The following SORCS2 variants were observed in gnomAD, a reference collection of about 807,000 sequenced individuals.
SORCS2 encodes sortilin related VPS10 domain containing receptor 2, also known as VPS10 domain-containing receptor SorCS2.
Under a neutral mutation model 141.6 loss-of-function variants are expected in SORCS2, and 100 were observed. That is an observed-to-expected ratio of 0.71 (90% CI 0.60 to 0.83). SORCS2 has a LOEUF of 0.83. Among genes scored for constraint, SORCS2 ranks in the 40% least tolerant of loss-of-function variants. The pLI is 0.00. For missense variants in SORCS2, 1,646 were observed against 1,560.2 expected (o/e 1.05, Z -0.93); for synonymous variants, 789 against 676.9 (o/e 1.17, Z -2.57).
intron 2 of SORCS2, among the ~76,000 whole-genome samples, chr4:7,447,615 T>C (rs898082252): frequency 2.6e-5 from 4 of 152,126 alleles, no homozygotes; most frequent in African/African-American, 9.7e-5. Flanking sequence ...CACAAATAAG[T>C]CCATCCATGC....
chr4:7,514,932 A>T (rs544751703), intron 2 of SORCS2, among the ~76,000 whole-genome samples: 137 of 152,248 alleles, frequency 9.0e-4, no homozygotes, highest in Non-Finnish European at 1.5e-3. Context: ...AACTGGCAGG[A>T]TGTGTCCAAG....
At position 7,733,366 on chromosome 4, in the gene SORCS2, C is replaced by A; in HGVS notation, c.3153C>A (p.Ser1051Arg). The change falls in exon 24 of 27, where the codon AGC (serine) becomes AGA (arginine). Residue 1051 changes from serine (S) to arginine (R), a missense_variant. Physicochemically the swap from Ser to Arg is moderately radical, Grantham distance 110. Transcript: ENST00000507866. ...IQQVLNAQKI[S>R]FLLRGGVRVL... ...AGGTGCTGAACGCACAGAAGATCAG[C>A]TTCCTCCTGCGAGGCGGAGTCCGGG... 1 of 1,584,380 alleles carries A rather than the reference C, an allele frequency of 6.3e-7. No individual in the cohort carries two copies. Among genetic ancestry groups the A allele is most frequent in the Non-Finnish European group, 8.6e-7 (1 of 1,166,198 alleles).
chr4:7,636,298 T>G (rs1365886460), intron 3 of SORCS2, among the ~76,000 whole-genome samples: 1 of 152,232 alleles, frequency 6.6e-6, no homozygotes, highest in Non-Finnish European at 1.5e-5. Flanking sequence ...ACAACTGCTC[T>G]CCTGCCTCAC....
intron 1 of SORCS2, among the ~76,000 whole-genome samples, chr4:7,269,321 G>T (rs533132632): frequency 6.6e-6 from 1 of 152,204 alleles, no homozygotes; most frequent in Admixed American, 6.5e-5. Context: ...GTGCAGGGCC[G>T]CCAGGGCCCC....
chr4:7,496,046 T>C (rs1025019443), intron 2 of SORCS2, among the ~76,000 whole-genome samples: 2 of 152,232 alleles, frequency 1.3e-5, no homozygotes, highest in Admixed American at 6.5e-5. Flanking sequence ...CCAGGCTAGC[T>C]GTCAGTTCCA....
At chr4:7,208,635 G>GGGCTT (rs1010490631) in intron 1 of SORCS2, among the ~76,000 whole-genome samples, 33 of 152,194 alleles carry the variant, frequency 2.2e-4, no homozygotes, top group African/African-American at 7.5e-4. Flanking sequence ...CGGGATGCCA[G>GGGCTT]GGCTTGGCTT....
intron 3 of SORCS2, among the ~76,000 whole-genome samples, chr4:7,594,815 G>T (rs1393792066): frequency 6.6e-6 from 1 of 152,128 alleles, no homozygotes; most frequent in Non-Finnish European, 1.5e-5. Flanking sequence ...CACAGTCTCG[G>T]TGTGCCTCAA....
At position 7,667,162 on chromosome 4, in the gene SORCS2, T is replaced by A; in HGVS notation, c.1110T>A (p.Tyr370Ter). 6.2e-7 allele frequency: 1 copy of A among 1,613,868 alleles called. No homozygotes were observed. Among genetic ancestry groups the A allele is most frequent in the Non-Finnish European group, 8.5e-7 (1 of 1,179,766 alleles). ...ACCAGACAAAATACTACGTCTCTTA[T>A]CGTCGAAATGAATTTGTCCTGATGA... is the stretch of plus-strand genomic sequence containing the variant. ...SANQTKYYVS[Y>*]RRNEFVLMKL... The change falls in exon 8 of 27, where the codon TAT becomes TAA. Residue 370 changes from tyrosine to a stop codon, truncating the protein, a stop_gained. Coordinates refer to ENST00000507866, the MANE Select transcript of SORCS2 (RefSeq NM_020777.3). LOFTEE classifies it high-confidence loss of function.
At chr4:7,437,611 G>A (rs976133426) in intron 2 of SORCS2, among the ~76,000 whole-genome samples, 1 of 152,180 alleles carries the variant, frequency 6.6e-6, no homozygotes, top group Non-Finnish European at 1.5e-5. Flanking sequence ...ATAAACTCAG[G>A]TGTGGTCAGA....
intron 4 of SORCS2, among the ~76,000 whole-genome samples, chr4:7,640,623 A>C (rs1237551013): frequency 6.6e-6 from 1 of 151,752 alleles, no homozygotes; most frequent in African/African-American, 2.4e-5. Context: ...GGTGATCTTC[A>C]CATCTGGAGA....
chr4:7,220,936 A>G (rs1421180044), intron 1 of SORCS2, among the ~76,000 whole-genome samples: 3 of 152,246 alleles, frequency 2.0e-5, no homozygotes, highest in Admixed American at 2.0e-4. Flanking sequence ...TTGTTTAAAA[A>G]AGGAATGATT....
chr4:7,543,939 C>CCCATCCATCCATCCAT (rs1266557291), intron 3 of SORCS2, among the ~76,000 whole-genome samples: 175 of 16,884 alleles, frequency 0.01, 7 homozygotes, highest in African/African-American at 0.012. Flanking sequence ...CACCCATCCA[C>CCCATCCATCCATCCAT]CCATCCATCC....
chr4:7,198,359 G>A (rs987888957), intron 1 of SORCS2, among the ~76,000 whole-genome samples: 2 of 152,216 alleles, frequency 1.3e-5, no homozygotes, highest in African/African-American at 2.4e-5. Context: ...CGATGCTTGT[G>A]GTTTTGTGAT....
chr4:7,717,175 C>T (rs1257118917), intron 17 of SORCS2, among the ~76,000 whole-genome samples: 3 of 152,232 alleles, frequency 2.0e-5, no homozygotes, highest in Non-Finnish European at 4.4e-5. Flanking sequence ...CCTCGTGCCA[C>T]ACCCGCTCCT....
Position 7,681,452 on chromosome 4 carries a change from G to A in SORCS2, c.1342-1291G>A, listed in dbSNP as rs193038561. 4.9e-4 allele frequency among the ~76,000 whole-genome samples: 75 copies of A among 152,346 alleles called. 1 individual carries two copies. Among genetic ancestry groups the A allele is most frequent in the African/African-American group, 1.7e-3 (72 of 41,576 alleles). On this transcript the variant is annotated intron_variant, in intron 9 of 26. Coordinates refer to ENST00000507866, the MANE Select transcript of SORCS2 (RefSeq NM_020777.3). The stretch of plus-strand genomic sequence containing the variant: ...CTTTGAAGATGAAGGAAGGGGCCAT[G>A]AGCCAAGGAATGCCGGTGCCTCTAG...
intron 3 of SORCS2, among the ~76,000 whole-genome samples, chr4:7,595,095 G>T (rs1306743620): frequency 6.6e-6 from 1 of 152,162 alleles, no homozygotes; most frequent in Admixed American, 6.5e-5. Context: ...TGGCACTTCT[G>T]CTGGATTGGG....
rs116115452 is a variant in SORCS2 at position 7,680,674 on chromosome 4, C to T, written c.1342-2069C>T. Among the ~76,000 whole-genome samples, 317 of 152,334 alleles carry T rather than the reference C, an allele frequency of 2.1e-3. 3 individuals carry two copies. The highest frequency in any genetic ancestry group is 7.2e-3 in the African/African-American group (299 of 41,562). On this transcript the variant is annotated intron_variant, in intron 9 of 26. Transcript: ENST00000507866. ...GTGCATGGATTTGCCACATGTATGGCGTTCCCTAGAAACTCTGGGAGGCTG... is the reference window on the plus strand; with the variant it reads ...GTGCATGGATTTGCCACATGTATGGTGTTCCCTAGAAACTCTGGGAGGCTG...
chr4:7,362,789 C>T (rs1001573204), intron 1 of SORCS2, among the ~76,000 whole-genome samples: 12 of 151,688 alleles, frequency 7.9e-5, no homozygotes, highest in Non-Finnish European at 1.5e-4. Context: ...GGACTATTAC[C>T]ATCATGCCAT....
intron 2 of SORCS2, among the ~76,000 whole-genome samples, chr4:7,453,778 G>C (rs1471761733): frequency 4.0e-5 from 5 of 123,458 alleles, no homozygotes; most frequent in South Asian, 5.9e-4. Flanking sequence ...GTCAGGTGCT[G>C]TGTGTTGGGG....
Sources: gnomAD v4.1 joint callset for allele counts (sites outside exome capture counted in the v4.1 genomes callset) on GRCh38, gnomAD v4.1.1 for gene constraint, MANE v1.5 for transcripts, NCBI Gene and HGNC (gene_info 2026-07-23, HGNC 2026-07-21) for gene names.